HMCN1: variants seen among roughly 807,000 people sequenced by gnomAD.
HMCN1 encodes the protein hemicentin-1.
Under a neutral mutation model 625.9 loss-of-function variants are expected in HMCN1, and 321 were observed. That is an observed-to-expected ratio of 0.51 (90% CI 0.47 to 0.56). The LOEUF is 0.56. HMCN1 is among the 20% of genes least tolerant of loss of function. HMCN1 has a pLI of 0.00. For synonymous variants in HMCN1, 2,425 were observed against 2,417.6 expected (o/e 1.00, Z -0.09); for missense variants, 6,588 against 6,887.3 (o/e 0.96, Z 1.54).
intron 17 of HMCN1, 124 bp from the exon 18 acceptor site, chr1:185,982,138 A>G: frequency 1.1e-6 from 1 of 913,768 alleles, no homozygotes; most frequent in Non-Finnish European, 1.8e-6. Flanking sequence ...TTTCATGTAA[A>G]TATTTTGTTT....
chr1:186,144,852 T>G (rs1650214175), intron 91 of HMCN1, 149 bp downstream of exon 91: 1 of 933,154 alleles, frequency 1.1e-6, no homozygotes, highest in East Asian at 2.6e-5. Context: ...CATGTCTGTA[T>G]AATACCCTAG....
At chr1:185,961,233 G>T (rs910722213) in intron 11 of HMCN1, among the ~76,000 whole-genome samples, 8 of 152,202 alleles carry the variant, frequency 5.3e-5, no homozygotes, top group Non-Finnish European at 8.8e-5. Context: ...TCTCTCACAT[G>T]TATAGATTCC....
intron 4 of HMCN1, among the ~76,000 whole-genome samples, chr1:185,877,249 A>T (rs1664000418): frequency 6.6e-6 from 1 of 150,560 alleles, no homozygotes; most frequent in South Asian, 2.1e-4. Context: ...ACTTTGTTGA[A>T]GATCAGTTGG....
intron 11 of HMCN1, among the ~76,000 whole-genome samples, chr1:185,935,226 A>G (rs1667750447): frequency 1.3e-5 from 2 of 151,308 alleles, no homozygotes; most frequent in Admixed American, 6.6e-5. Context: ...TCTCCACGTT[A>G]ACGTTATAGT....
chr1:185,756,769 C>T (rs1655157973), intron 1 of HMCN1, among the ~76,000 whole-genome samples: 1 of 152,076 alleles, frequency 6.6e-6, no homozygotes, highest in South Asian at 2.1e-4. Context: ...AGTTTTGCTC[C>T]TTCTAACTTT....
At chr1:186,082,805 C>G in intron 56 of HMCN1, 60 bp from the exon 57 acceptor site, 1 of 864,044 alleles carries the variant, frequency 1.2e-6, no homozygotes, top group East Asian at 2.8e-5. Context: ...AAAAAATAGA[C>G]AAATATGACA....
chr1:186,006,850 A>AAT (rs1326430074), intron 29 of HMCN1, among the ~76,000 whole-genome samples: 1 of 151,890 alleles, frequency 6.6e-6, no homozygotes, highest in Non-Finnish European at 1.5e-5. Context: ...TGAATGAATA[A>AAT]AACAAATAAT....
chr1:186,163,681 C>T (rs558985543), intron 97 of HMCN1, among the ~76,000 whole-genome samples: 18 of 152,264 alleles, frequency 1.2e-4, no homozygotes, highest in South Asian at 2.1e-4. Context: ...GCTTAATATA[C>T]GGCAGACACA....
At chr1:185,903,498 C>T (rs909818436) in intron 4 of HMCN1, among the ~76,000 whole-genome samples, 4 of 151,578 alleles carry the variant, frequency 2.6e-5, no homozygotes, top group Non-Finnish European at 4.4e-5. Flanking sequence ...TTTTGCCTAC[C>T]TTTAGCATGA....
At chr1:186,126,737 G>A (rs1661664917) in intron 82 of HMCN1, among the ~76,000 whole-genome samples, 1 of 152,126 alleles carries the variant, frequency 6.6e-6, no homozygotes, top group Non-Finnish European at 1.5e-5. Context: ...GGAGAAAGAC[G>A]TCAGTGATAA....
chr1:185,800,360 GA>G, intron 1 of HMCN1, among the ~76,000 whole-genome samples: 1 of 152,152 alleles, frequency 6.6e-6, no homozygotes, highest in Middle Eastern at 3.4e-3. Context: ...CCTCTCTGTG[GA>G]AAAGGTGAGT....
At chr1:186,105,357 T>C (rs1036449152) in intron 69 of HMCN1, among the ~76,000 whole-genome samples, 1 of 152,262 alleles carries the variant, frequency 6.6e-6, no homozygotes, top group African/African-American at 2.4e-5. Flanking sequence ...GTAGTAACTC[T>C]TACTGCATTA....
chr1:185,916,025 T>A (rs1304244124), intron 6 of HMCN1, among the ~76,000 whole-genome samples: 1 of 151,922 alleles, frequency 6.6e-6, no homozygotes, highest in East Asian at 1.9e-4. Context: ...TAGGTACACA[T>A]GCACATTTTT....
At chr1:186,154,022 C>T (rs201292914) in intron 97 of HMCN1, 35 bp downstream of exon 97, 2 of 1,537,832 alleles carry the variant, frequency 1.3e-6, no homozygotes, top group Non-Finnish European at 1.8e-6. Context: ...ATCTTTATGC[C>T]ATCCAGTCTA....
chr1:185,779,374 G>T (rs1351422590), intron 1 of HMCN1, among the ~76,000 whole-genome samples: 4 of 152,108 alleles, frequency 2.6e-5, no homozygotes, highest in East Asian at 1.9e-4. Flanking sequence ...GTCAATTTTG[G>T]CTTTTGTTGC....
At chr1:186,055,734 T>C in intron 45 of HMCN1, 60 bp downstream of exon 45, 1 of 1,525,662 alleles carries the variant, frequency 6.6e-7, no homozygotes, top group Non-Finnish European at 9.1e-7. Flanking sequence ...GCATCCTGGA[T>C]GGGAGATATA....
At chr1:185,882,690 G>C (rs1368650716) in intron 4 of HMCN1, among the ~76,000 whole-genome samples, 1 of 152,018 alleles carries the variant, frequency 6.6e-6, no homozygotes, top group Non-Finnish European at 1.5e-5. Context: ...AATAGCAAGT[G>C]AAGTATATTT....
Position 186,087,955 on chromosome 1 carries a change from A to T in HMCN1, c.9387A>T (p.Val3129=). Residue 3129 remains valine (V), a synonymous_variant, in exon 61 of 107, where the codon GTA becomes GTT. Coordinates refer to ENST00000271588, the MANE Select transcript of HMCN1 (RefSeq NM_031935.3). ...AGGTATCTGACACAGGCCAGTATGTATGTAGAGCTATAAATGTAGCAGGAC... is the reference window on the plus strand; with the variant it reads ...AGGTATCTGACACAGGCCAGTATGTTTGTAGAGCTATAAATGTAGCAGGAC... ...KAEVSDTGQY[V]CRAINVAGRD... is the part of the protein sequence containing the mutation. The T allele has an allele frequency of 6.2e-7, 1 of 1,613,064 alleles. No homozygotes were observed. The highest frequency in any genetic ancestry group is 8.5e-7 in the Non-Finnish European group (1 of 1,179,332).
At chr1:186,043,908 A>G (rs1656375471) in intron 40 of HMCN1, among the ~76,000 whole-genome samples, 1 of 152,076 alleles carries the variant, frequency 6.6e-6, no homozygotes, top group South Asian at 2.1e-4. Flanking sequence ...TGTCTCCACT[A>G]AAAATACAAC....
Sources: allele counts gnomAD v4.1 joint callset (sites outside exome capture counted in the v4.1 genomes callset), GRCh38; gene constraint gnomAD v4.1.1; transcripts MANE v1.5; gene names NCBI Gene and HGNC (gene_info 2026-07-23, HGNC 2026-07-21).